The following PDE11A variants were observed in gnomAD, a reference collection of about 807,000 sequenced individuals.
The protein encoded by PDE11A is phosphodiesterase 11A.
A neutral mutation model predicts 100.5 loss-of-function variants in PDE11A; 100 were observed. The observed-to-expected ratio is 1.00, with a 90% confidence interval of 0.85 to 1.18. PDE11A has a LOEUF of 1.18. Among genes scored for constraint, PDE11A ranks in the 50% most tolerant of loss-of-function variants. The pLI is 0.00. For missense variants in PDE11A, 1,141 were observed against 1,152.6 expected (o/e 0.99, Z 0.15); for synonymous variants, 381 against 420.8 (o/e 0.91, Z 1.16).
At chr2:177,713,166 G>A (rs1023539698) in intron 12 of PDE11A, among the ~76,000 whole-genome samples, 2 of 151,880 alleles carry the variant, frequency 1.3e-5, no homozygotes, top group African/African-American at 4.8e-5. Flanking sequence ...CCACCACCAC[G>A]CCCAGCTAAT....
chr2:177,842,411 T>C (rs1574202569), intron 5 of PDE11A, among the ~76,000 whole-genome samples: 1 of 152,154 alleles, frequency 6.6e-6, no homozygotes, highest in East Asian at 1.9e-4. Context: ...AAGACACAAA[T>C]GCAGCAGAGT....
chr2:177,900,656 G>T (rs1381092383), intron 3 of PDE11A, among the ~76,000 whole-genome samples: 1 of 152,136 alleles, frequency 6.6e-6, no homozygotes, highest in Non-Finnish European at 1.5e-5. Context: ...TACTCAGGAG[G>T]CTGAGGCAGG....
intron 9 of PDE11A, among the ~76,000 whole-genome samples, chr2:177,779,683 G>A (rs1157634163): frequency 1.3e-5 from 2 of 152,150 alleles, no homozygotes; most frequent in Non-Finnish European, 2.9e-5. Context: ...GGCTCCACTT[G>A]TAATTCTAGT....
At chr2:177,990,775 G>A (rs983183072) in intron 2 of PDE11A, among the ~76,000 whole-genome samples, 15 of 142,290 alleles carry the variant, frequency 1.1e-4, no homozygotes, top group African/African-American at 3.1e-4. Flanking sequence ...GGAGGGTAGC[G>A]TGGTGGCTCA....
intron 9 of PDE11A, among the ~76,000 whole-genome samples, chr2:177,796,038 T>C (rs1558943044): frequency 1.4e-5 from 2 of 146,438 alleles, no homozygotes; most frequent in Non-Finnish European, 3.0e-5. Context: ...GAGTGAAATA[T>C]ATCTTAAAGT....
chr2:177,634,793 C>T (rs2080013337), intron 19 of PDE11A, among the ~76,000 whole-genome samples: 1 of 152,152 alleles, frequency 6.6e-6, no homozygotes, highest in Non-Finnish European at 1.5e-5. Flanking sequence ...AACCTAAATT[C>T]CAAGGCTTAT....
chr2:177,929,897 T>C (rs915437125), intron 2 of PDE11A, among the ~76,000 whole-genome samples: 39 of 152,204 alleles, frequency 2.6e-4, no homozygotes, highest in African/African-American at 9.2e-4. Flanking sequence ...TACCATTGTA[T>C]AAGTTATTTA....
chr2:177,674,770 C>T (rs77754422), intron 17 of PDE11A, among the ~76,000 whole-genome samples: 4,088 of 152,198 alleles, frequency 0.027, 152 homozygotes, highest in African/African-American at 0.084. Context: ...TATGGAAATG[C>T]ATCTTATTTT....
chr2:178,105,993 T>G (rs971200585), intron 1 of PDE11A, among the ~76,000 whole-genome samples: 2 of 152,194 alleles, frequency 1.3e-5, no homozygotes, highest in Non-Finnish European at 2.9e-5. Flanking sequence ...GAATTACTAC[T>G]ACAGACATCA....
rs757918045 is a variant in PDE11A, at chr2:178,014,447, T to C, written c.926A>G (p.Asn309Ser). The change falls in exon 2 of 20, where the codon AAT becomes AGT. Residue 309 changes from asparagine to serine, a missense_variant. Physicochemically the swap from Asn to Ser is conservative, Grantham distance 46. Transcript: ENST00000286063. Reference protein sequence around the residue: ...IPDAYQDRRFNDEIDKLTGYK... With the variant: ...IPDAYQDRRFSDEIDKLTGYK... Reference sequence around the variant, plus strand: ...TCCAGTTAGCTTGTCGATTTCATCATTGAATCGTCGATCCTAAAAATAAGA... The same window carrying C: ...TCCAGTTAGCTTGTCGATTTCATCACTGAATCGTCGATCCTAAAAATAAGA... 8.7e-6 allele frequency: 14 copies of C among 1,613,128 alleles called. No individual in the cohort carries two copies. In the African/African-American group the frequency reaches 9.3e-5, roughly 11 times the overall value.
chr2:178,059,463 G>T (rs1251194017), intron 1 of PDE11A, among the ~76,000 whole-genome samples: 3 of 152,192 alleles, frequency 2.0e-5, no homozygotes, highest in East Asian at 3.9e-4. Context: ...ATCTACCATG[G>T]GTCGGGTGGC....
intron 18 of PDE11A, among the ~76,000 whole-genome samples, chr2:177,664,257 G>A (rs2080534637): frequency 6.6e-6 from 1 of 152,156 alleles, no homozygotes; most frequent in South Asian, 2.1e-4. Context: ...TGCGAATTGG[G>A]TACAGGTCAA....
intron 5 of PDE11A, among the ~76,000 whole-genome samples, chr2:177,849,358 A>G (rs924434821): frequency 1.3e-5 from 2 of 152,206 alleles, no homozygotes; most frequent in Non-Finnish European, 2.9e-5. Context: ...GTAAGAGTTC[A>G]CCTGGAAGAG....
chr2:178,105,391 G>C (rs1049774563), intron 1 of PDE11A, among the ~76,000 whole-genome samples: 1 of 152,222 alleles, frequency 6.6e-6, no homozygotes. Flanking sequence ...CCTGGGAGGC[G>C]GAGGTTGCAG....
chr2:177,731,386 A>C (rs1032929340), intron 10 of PDE11A, among the ~76,000 whole-genome samples: 1 of 152,176 alleles, frequency 6.6e-6, no homozygotes, highest in Non-Finnish European at 1.5e-5. Flanking sequence ...TCCTTGGGGA[A>C]GCCACCAAAT....
intron 10 of PDE11A, among the ~76,000 whole-genome samples, chr2:177,734,998 C>T (rs1322464448): frequency 7.2e-5 from 11 of 152,226 alleles, no homozygotes. Flanking sequence ...ATGTATTGTG[C>T]ATCTAACTGT....
chr2:177,669,815 C>T (rs574026895), intron 17 of PDE11A, among the ~76,000 whole-genome samples: 6 of 152,104 alleles, frequency 3.9e-5, no homozygotes, highest in Non-Finnish European at 7.3e-5. Flanking sequence ...TGCCACAGTA[C>T]GGCTTCCATA....
chr2:178,021,222 A>C (rs997602460), intron 1 of PDE11A, among the ~76,000 whole-genome samples: 1 of 152,032 alleles, frequency 6.6e-6, no homozygotes, highest in African/African-American at 2.4e-5. Context: ...TCGGCCTCCC[A>C]AAGTGCTGGG....
intron 2 of PDE11A, among the ~76,000 whole-genome samples, chr2:177,967,619 G>C (rs567794509): frequency 6.6e-6 from 1 of 151,902 alleles, no homozygotes; most frequent in Non-Finnish European, 1.5e-5. Context: ...AAAGCATCTA[G>C]TATAGACTGA....
Sources: gnomAD v4.1 joint callset for allele counts (sites outside exome capture counted in the v4.1 genomes callset) on GRCh38, gnomAD v4.1.1 for gene constraint, MANE v1.5 for transcripts, NCBI Gene and HGNC (gene_info 2026-07-23, HGNC 2026-07-21) for gene names.